SLC38A11: variants seen among roughly 807,000 people sequenced by gnomAD.
SLC38A11 encodes the protein putative sodium-coupled neutral amino acid transporter 11.
Under a neutral mutation model 49.4 loss-of-function variants are expected in SLC38A11, and 51 were observed. The observed-to-expected ratio is 1.03, with a 90% CI of 0.83 to 1.30. The LOEUF is 1.30. Ranked by LOEUF, SLC38A11 falls within the 50% of genes most tolerant of loss-of-function variation. SLC38A11 has a pLI of 0.00. For synonymous variants in SLC38A11, 203 were observed against 192.9 expected (o/e 1.05, Z -0.43); for missense variants, 574 against 556.2 (o/e 1.03, Z -0.32).
intron 6 of SLC38A11, 112 bp from the exon 7 acceptor site, chr2:164,937,541 C>G: frequency 1.4e-6 from 1 of 696,870 alleles, no homozygotes; most frequent in Non-Finnish European, 2.4e-6. Context: ...ATTTTTTTGC[C>G]TAATTCTTTA....
At chr2:164,928,634 C>T (rs72884466) in intron 7 of SLC38A11, among the ~76,000 whole-genome samples, 37,310 of 151,916 alleles carry the variant, frequency 0.25, 5,774 homozygotes, top group South Asian at 0.46. Flanking sequence ...TTAACAAATA[C>T]ATTATTATTT....
At position 164,911,626 on chromosome 2, in the gene SLC38A11, C is replaced by G; in HGVS notation, c.963+10G>C. 1.4e-6 allele frequency: 2 copies of G among 1,466,156 alleles called. No individual in the cohort carries two copies. The highest frequency in any genetic ancestry group is 1.9e-6 in the Non-Finnish European group (2 of 1,067,382). 90.8% of individuals were successfully genotyped at this position (1,466,156 alleles called of 1,614,324 possible). A position where few individuals can be genotyped will look rare whatever the true frequency, so the allele number is the denominator to read the frequency against. On this transcript the variant is annotated intron_variant, in intron 10 of 11. Coordinates refer to ENST00000685975, the MANE Select transcript of SLC38A11 (RefSeq NM_001351537.2). Reference sequence around the variant, plus strand: ...ACCTGGGTAAAGCGTTGGGAAGGAACCGCGCTTACCTCTCTTGTCACAAAG... The same window carrying G: ...ACCTGGGTAAAGCGTTGGGAAGGAAGCGCGCTTACCTCTCTTGTCACAAAG...
At chr2:164,902,691 C>T (rs1165022143) in intron 11 of SLC38A11, among the ~76,000 whole-genome samples, 1 of 151,954 alleles carries the variant, frequency 6.6e-6, no homozygotes, top group Non-Finnish European at 1.5e-5. Context: ...ATTCTCACAC[C>T]AGTTAATAAA....
intron 9 of SLC38A11, among the ~76,000 whole-genome samples, chr2:164,913,778 T>A (rs1685571270): frequency 6.6e-6 from 1 of 152,074 alleles, no homozygotes; most frequent in African/African-American, 2.4e-5. Context: ...TAGAAATGCT[T>A]TGGAACACAA....
At chr2:164,899,215 G>A (rs1267830559) in intron 11 of SLC38A11, among the ~76,000 whole-genome samples, 1 of 152,138 alleles carries the variant, frequency 6.6e-6, no homozygotes, top group Non-Finnish European at 1.5e-5. Context: ...TTGTATGGAA[G>A]ATGTGCCTAT....
chr2:164,914,288 C>G (rs1250172997), intron 9 of SLC38A11, among the ~76,000 whole-genome samples: 1 of 149,666 alleles, frequency 6.7e-6, no homozygotes, highest in Admixed American at 6.6e-5. Flanking sequence ...TACTGCTGGA[C>G]TGCCCTGACT....
At chr2:164,932,402 C>T (rs1420300437) in intron 7 of SLC38A11, among the ~76,000 whole-genome samples, 1 of 152,094 alleles carries the variant, frequency 6.6e-6, no homozygotes, top group Non-Finnish European at 1.5e-5. Flanking sequence ...CCAGCAATCC[C>T]ATTACTGAGT....
intron 11 of SLC38A11, among the ~76,000 whole-genome samples, chr2:164,905,803 A>G (rs1016973294): frequency 1.3e-5 from 2 of 152,186 alleles, no homozygotes; most frequent in African/African-American, 4.8e-5. Flanking sequence ...AAAGATCTTG[A>G]ATCATATTTT....
chr2:164,952,859 G>A, intron 2 of SLC38A11, 78 bp from the exon 3 acceptor site: 2 of 1,020,744 alleles, frequency 2.0e-6, no homozygotes, highest in Non-Finnish European at 3.0e-6. Context: ...TTCAATTTCT[G>A]CATATAATAG....
intron 5 of SLC38A11, among the ~76,000 whole-genome samples, chr2:164,940,043 TA>T (rs1687650707): frequency 6.7e-6 from 1 of 148,590 alleles, no homozygotes; most frequent in Non-Finnish European, 1.5e-5. Context: ...ACTAATACTC[TA>T]ACAAAATTTC....
Position 164,939,004 on chromosome 2 carries a change from A to G in SLC38A11, c.537+446T>C, listed in dbSNP as rs901201503. ...AAAATTGACCAATCAACACATTGCA[A>G]ATTAAATTCACTGGATGAAAAATAA... On this transcript the variant is annotated intron_variant, in intron 6 of 11. Coordinates refer to ENST00000685975, the MANE Select transcript of SLC38A11 (RefSeq NM_001351537.2). Among the ~76,000 whole-genome samples the G allele has an allele frequency of 3.3e-5, 5 of 152,218 alleles. No individual in the cohort carries two copies. The East Asian group carries it at 9.6e-4, about 29-fold the overall frequency.
rs116750969 is a variant in SLC38A11 at position 164,901,175 on chromosome 2, C to A, written c.1096-2445G>T. ...TCGGTCTATATTTGTGTTTTTATGCCAGTATCATACCGTTTTGATTACTGC... is the reference window on the plus strand; with the variant it reads ...TCGGTCTATATTTGTGTTTTTATGCAAGTATCATACCGTTTTGATTACTGC... On this transcript the variant is annotated intron_variant, in intron 11 of 11. Coordinates refer to ENST00000685975, the MANE Select transcript of SLC38A11 (RefSeq NM_001351537.2). 5.2e-3 allele frequency among the ~76,000 whole-genome samples: 795 copies of A among 152,136 alleles called. 5 individuals carry two copies. The highest frequency in any genetic ancestry group is 0.019 in the African/African-American group (768 of 41,504).
intron 9 of SLC38A11, 101 bp from the exon 10 acceptor site, chr2:164,911,849 A>G: frequency 1.7e-6 from 1 of 571,630 alleles, no homozygotes; most frequent in South Asian, 3.0e-5. Flanking sequence ...GCATCACCTA[A>G]TGGCCCACAT....
chr2:164,934,847 A>T (rs1462464765), intron 7 of SLC38A11, among the ~76,000 whole-genome samples: 1 of 152,130 alleles, frequency 6.6e-6, no homozygotes, highest in Non-Finnish European at 1.5e-5. Context: ...ATTCAGCTTC[A>T]AAAACCAGAG....
intron 6 of SLC38A11, among the ~76,000 whole-genome samples, chr2:164,938,055 C>T (rs923145673): frequency 6.6e-6 from 1 of 151,892 alleles, no homozygotes; most frequent in African/African-American, 2.4e-5. Flanking sequence ...TGTCTGTGCC[C>T]GGTGCACCCA....
chr2:164,933,333 T>C (rs937321479), intron 7 of SLC38A11, among the ~76,000 whole-genome samples: 3 of 152,066 alleles, frequency 2.0e-5, no homozygotes, highest in African/African-American at 7.2e-5. Flanking sequence ...GCACACTTTC[T>C]GAAAAGCAAT....
Position 164,930,451 on chromosome 2 carries a change from C to CA in SLC38A11, c.617+6898dup, listed in dbSNP as rs879464359. On this transcript the variant is annotated intron_variant, in intron 7 of 11. Transcript: ENST00000685975. ...AAATCTGGCAGAGAAACAACATCAACAAAAAAAAAACTTCAGGCCAATATC... is the reference window on the plus strand; with the variant it reads ...AAATCTGGCAGAGAAACAACATCAACAAAAAAAAAAACTTCAGGCCAATATC... Among the ~76,000 whole-genome samples the CA allele has an allele frequency of 7.3e-4, 105 of 144,722 alleles. 1 individual carries two copies. The highest frequency in any genetic ancestry group is 1.7e-3 in the South Asian group (8 of 4,618). The allele number at this position is 144,722 out of a possible 152,430, so 94.9% of individuals were successfully genotyped here.
At chr2:164,901,875 A>G (rs963339505) in intron 11 of SLC38A11, among the ~76,000 whole-genome samples, 4 of 151,946 alleles carry the variant, frequency 2.6e-5, no homozygotes, top group Non-Finnish European at 5.9e-5. Context: ...ATTAATTGTG[A>G]TGTTAGCTGT....
At chr2:164,931,690 TA>T (rs1687019357) in intron 7 of SLC38A11, among the ~76,000 whole-genome samples, 1 of 152,188 alleles carries the variant, frequency 6.6e-6, no homozygotes, top group Non-Finnish European at 1.5e-5. Context: ...CCTTATTCAA[TA>T]AATGATCCTG....
Sources: allele counts gnomAD v4.1 joint callset (sites outside exome capture counted in the v4.1 genomes callset), GRCh38; gene constraint gnomAD v4.1.1; transcripts MANE v1.5; gene names NCBI Gene and HGNC (gene_info 2026-07-23, HGNC 2026-07-21).